The following DNMBP variants were observed in gnomAD, a reference collection of about 807,000 sequenced individuals.
The protein encoded by DNMBP is dynamin binding protein.
In DNMBP, 87 loss-of-function variants were observed where a neutral mutation model predicts 150.0. The ratio of observed to expected loss-of-function variants is 0.58; its 90% confidence interval spans 0.49 to 0.69. The LOEUF (loss-of-function observed/expected upper bound fraction) is 0.69. Among genes scored for constraint, DNMBP ranks in the 30% least tolerant of loss-of-function variants. The pLI is 0.00. For missense variants in DNMBP, 1,774 were observed against 1,949.0 expected, an observed-to-expected ratio of 0.91 and a Z score of 1.69; for synonymous variants, 711 against 750.4, an observed-to-expected ratio of 0.95 and a Z score of 0.86.
intron 1 of DNMBP, among the ~76,000 whole-genome samples, chr10:100,005,380 G>T (rs964370857): frequency 1.3e-5 from 2 of 152,104 alleles, no homozygotes; most frequent in African/African-American, 4.8e-5. Context: ...CAAAACCAAT[G>T]GATGCAAACA....
At chr10:99,899,198 T>A (rs1450299806) in intron 7 of DNMBP, among the ~76,000 whole-genome samples, 1 of 151,496 alleles carries the variant, frequency 6.6e-6, no homozygotes, top group African/African-American at 2.4e-5. Flanking sequence ...CTCCAAAAAA[T>A]AAAAAAATAA....
chr10:100,006,325 C>T (rs1340967147), intron 1 of DNMBP, among the ~76,000 whole-genome samples: 2 of 152,306 alleles, frequency 1.3e-5, no homozygotes, highest in East Asian at 1.9e-4. Context: ...CCTCTTCCCA[C>T]GCAATCCTCT....
chr10:99,992,145 T>C (rs943481953), intron 1 of DNMBP, among the ~76,000 whole-genome samples: 3 of 150,956 alleles, frequency 2.0e-5, no homozygotes, highest in African/African-American at 7.3e-5. Flanking sequence ...GAGGCTAAAG[T>C]GGGAGGACTG....
At chr10:99,983,382 C>A (rs2040798619) in intron 1 of DNMBP, among the ~76,000 whole-genome samples, 1 of 152,128 alleles carries the variant, frequency 6.6e-6, no homozygotes, top group Admixed American at 6.5e-5. Context: ...CGAGAGGTGT[C>A]AGAAAATGAA....
intron 3 of DNMBP, among the ~76,000 whole-genome samples, chr10:99,960,224 T>C (rs1482728679): frequency 6.6e-6 from 1 of 152,218 alleles, no homozygotes. Context: ...TTTTATCAAC[T>C]GTTTTATAAC....
intron 4 of DNMBP, among the ~76,000 whole-genome samples, chr10:99,935,918 C>T (rs1248047168): frequency 8.5e-5 from 13 of 152,062 alleles, no homozygotes; most frequent in African/African-American, 2.7e-4. Flanking sequence ...AAAGATAACC[C>T]GGTTTTCCAA....
Position 99,981,252 on chromosome 10 carries a change from G to C in DNMBP, c.-10-9118C>G, listed in dbSNP as rs144018815. Among the ~76,000 whole-genome samples, 1,500 of 152,276 alleles carry C rather than the reference G, an allele frequency of 9.9e-3. 13 individuals carry two copies. The highest frequency in any genetic ancestry group is 0.037 in the Middle Eastern group (11 of 294). ...ACTGGAGTGCAGTGGCTCAATCTCA[G>C]CTCACTGCAACCTTCACCTCCTGGG... On this transcript the variant is annotated intron_variant, in intron 1 of 16. Coordinates refer to ENST00000324109, the MANE Select transcript of DNMBP (RefSeq NM_015221.4).
intron 13 of DNMBP, 101 bp from the exon 14 acceptor site, chr10:99,885,967 T>G (rs2039453480): frequency 8.6e-7 from 1 of 1,166,618 alleles, no homozygotes; most frequent in Admixed American, 2.7e-5. Context: ...GGATTGACAG[T>G]CTCCTTAGAA....
chr10:99,997,990 C>G (rs1406698424), intron 1 of DNMBP, among the ~76,000 whole-genome samples: 1 of 144,446 alleles, frequency 6.9e-6, no homozygotes, highest in Admixed American at 7.0e-5. Flanking sequence ...ATCCCCAGCA[C>G]TTTGGGAGGC....
intron 1 of DNMBP, among the ~76,000 whole-genome samples, chr10:99,986,594 CAAAAAAAAAAAAAAAAA>C (rs747726572): frequency 3.3e-3 from 247 of 74,170 alleles, no homozygotes; most frequent in Admixed American, 4.6e-3. Flanking sequence ...GACTCCGTCT[CAAAAAAAAAAAAAAAAA>C]AAAAAAAAAA....
At chr10:99,937,111 A>G (rs1035961027) in intron 4 of DNMBP, among the ~76,000 whole-genome samples, 2 of 152,046 alleles carry the variant, frequency 1.3e-5, no homozygotes, top group Non-Finnish European at 2.9e-5. Flanking sequence ...CATGTTGGCC[A>G]GGCTGGTCTT....
rs747749677 is a variant in DNMBP at position 99,884,038 on chromosome 10, G to C, written c.3970C>G (p.Gln1324Glu). 1.4e-5 allele frequency: 22 copies of C among 1,613,850 alleles called. No homozygotes were observed. Among genetic ancestry groups the C allele is most frequent in the Non-Finnish European group, 1.9e-5 (22 of 1,180,004 alleles). ...CCATTGTCAATCAGCCAGCGGTTCT[G>C]GCTGCCCATGGGGTCTTTTTTCTTA... is the stretch of plus-strand genomic sequence containing the variant. ...VIKKKDPMGS[Q>E]NRWLIDNGVT... The change falls in exon 15 of 17, where the codon CAG becomes GAG. Residue 1324 changes from glutamine to glutamate, a missense_variant. Physicochemically the swap from Gln to Glu is conservative, Grantham distance 29. Around this residue, in one of 2 missense-constraint regions of DNMBP, gnomAD observed 1,430 missense variants for 1,492.5 expected, o/e 0.96. Transcript: ENST00000324109.
intron 14 of DNMBP, among the ~76,000 whole-genome samples, chr10:99,884,764 A>G (rs753482652): frequency 3.3e-5 from 5 of 152,090 alleles, no homozygotes; most frequent in Admixed American, 6.6e-5. Flanking sequence ...CAATACAGGC[A>G]TGGTAACGCA....
In DNMBP at chr10:99,991,681, C is replaced by A. The variant is rs142625096; in HGVS notation, c.-11+18157G>T. Among the ~76,000 whole-genome samples the A allele has an allele frequency of 5.9e-5, 9 of 151,630 alleles. No individual in the cohort carries two copies. The East Asian group carries it at 1.6e-3, about 27-fold the overall frequency. On this transcript the variant is annotated intron_variant, in intron 1 of 16. Transcript: ENST00000324109. Reference sequence around the variant, plus strand: ...ATATACTCTGGGAGGCCAAGGCAGGCGGATCACAAGGTCAGGAGATCGAGA... The same window carrying A: ...ATATACTCTGGGAGGCCAAGGCAGGAGGATCACAAGGTCAGGAGATCGAGA...
chr10:99,978,665 G>A (rs2040752899), intron 1 of DNMBP, among the ~76,000 whole-genome samples: 1 of 151,966 alleles, frequency 6.6e-6, no homozygotes, highest in African/African-American at 2.4e-5. Flanking sequence ...TCTAACCTCT[G>A]CCTCCCAGAC....
intron 4 of DNMBP, among the ~76,000 whole-genome samples, chr10:99,937,910 A>G (rs1404681897): frequency 6.6e-6 from 1 of 152,234 alleles, no homozygotes; most frequent in Non-Finnish European, 1.5e-5. Context: ...TGTAACAGAG[A>G]GAGCACTGGA....
chr10:100,007,040 A>T (rs146995884), intron 1 of DNMBP, among the ~76,000 whole-genome samples: 6,977 of 152,094 alleles, frequency 0.046, 173 homozygotes, highest in African/African-American at 0.062. Context: ...ACTTGAGCCC[A>T]GGAGGTTGAG....
intron 4 of DNMBP, among the ~76,000 whole-genome samples, chr10:99,932,684 T>C (rs2040173655): frequency 1.3e-5 from 2 of 148,164 alleles, no homozygotes; most frequent in Non-Finnish European, 3.0e-5. Context: ...GCATTTCCTG[T>C]TCAAATAAAA....
chr10:99,994,884 A>G (rs531119066), intron 1 of DNMBP, among the ~76,000 whole-genome samples: 1 of 151,978 alleles, frequency 6.6e-6, no homozygotes, highest in South Asian at 2.1e-4. Context: ...CCTTTGTCCT[A>G]TTTTCCACAC....
Sources: allele counts gnomAD v4.1 joint callset (sites outside exome capture counted in the v4.1 genomes callset), GRCh38; gene constraint gnomAD v4.1.1; regional missense constraint gnomAD v4.1.1; transcripts MANE v1.5; gene names NCBI Gene and HGNC (gene_info 2026-07-23, HGNC 2026-07-21).